The following GRM7 variants were observed in gnomAD, a reference collection of about 807,000 sequenced individuals.
GRM7 encodes metabotropic glutamate receptor 7.
A neutral mutation model predicts 84.5 loss-of-function variants in GRM7; 35 were observed. The ratio of observed to expected loss-of-function variants is 0.41; its 90% CI spans 0.32 to 0.55. GRM7 has a LOEUF of 0.55. Ranked by LOEUF, GRM7 falls within the 20% of genes least tolerant of loss-of-function variation. The probability of loss-of-function intolerance (pLI) is 0.19; values close to 1 mark genes in which losing one functional copy is unlikely to be tolerated. For synonymous variants in GRM7, 487 were observed against 455.1 expected, an observed-to-expected ratio of 1.07 and a Z score of -0.89; for missense variants, 1,003 against 1,194.6, an observed-to-expected ratio of 0.84 and a Z score of 2.36.
intron 4 of GRM7, among the ~76,000 whole-genome samples, chr3:7,393,164 G>C (rs1381843075): frequency 6.6e-6 from 1 of 152,146 alleles, no homozygotes; most frequent in Non-Finnish European, 1.5e-5. Flanking sequence ...AGGAACGCAT[G>C]GCCATGCCCC....
chr3:7,607,991 TTC>T (rs1302626277), intron 8 of GRM7: 3 of 297,344 alleles, frequency 1.0e-5, no homozygotes, highest in African/African-American at 6.7e-5. Flanking sequence ...ATATTCTGTT[TTC>T]TGTTTCAGCA....
chr3:7,377,064 A>G (rs763663572), intron 4 of GRM7, among the ~76,000 whole-genome samples: 25 of 152,230 alleles, frequency 1.6e-4, no homozygotes, highest in African/African-American at 5.8e-4. Context: ...GAAAAAAATC[A>G]ATTATTGAAA....
At chr3:7,117,634 A>G (rs1421347541) in intron 1 of GRM7, among the ~76,000 whole-genome samples, 6 of 152,134 alleles carry the variant, frequency 3.9e-5, no homozygotes, top group African/African-American at 1.4e-4. Context: ...TCAGTTATTC[A>G]GTTATCTCAG....
chr3:7,149,481 G>A (rs1694211906), intron 2 of GRM7, among the ~76,000 whole-genome samples: 1 of 152,088 alleles, frequency 6.6e-6, no homozygotes, highest in South Asian at 2.1e-4. Flanking sequence ...GAATTTCTGG[G>A]CATATACATG....
At chr3:7,460,306 C>A (rs1224594545) in intron 6 of GRM7, among the ~76,000 whole-genome samples, 6 of 152,050 alleles carry the variant, frequency 3.9e-5, no homozygotes, top group African/African-American at 1.4e-4. Context: ...GCTTTCAGCT[C>A]CCCAGACAAA....
chr3:7,185,897 C>T (rs1449451166), intron 2 of GRM7, among the ~76,000 whole-genome samples: 1 of 152,324 alleles, frequency 6.6e-6, no homozygotes, highest in South Asian at 2.1e-4. Flanking sequence ...CATCCATATA[C>T]TTTACCCAGA....
At chr3:7,051,519 A>G (rs1042934078) in intron 1 of GRM7, among the ~76,000 whole-genome samples, 30 of 151,804 alleles carry the variant, frequency 2.0e-4, no homozygotes, top group African/African-American at 7.0e-4. Context: ...GCTGTGGAAC[A>G]TATGCTATCA....
rs757358311 is a variant in GRM7 at position 7,298,849 on chromosome 3, T to G, written c.878+24T>G. On this transcript the variant is annotated intron_variant, in intron 3 of 9. Coordinates refer to ENST00000357716, the MANE Select transcript of GRM7 (RefSeq NM_000844.4). Reference sequence around the variant, plus strand: ...AAGTAAGAATAACTGGTGACAATTGTTAATATGCATGTTGCAATTTTAGGA... The same window carrying G: ...AAGTAAGAATAACTGGTGACAATTGGTAATATGCATGTTGCAATTTTAGGA... The G allele has an allele frequency of 1.9e-5, 30 of 1,599,216 alleles. No individual in the cohort carries two copies. The South Asian group carries it at 3.0e-4, about 16-fold the overall frequency.
At chr3:7,453,249 A>C (rs1415762704) in intron 6 of GRM7, among the ~76,000 whole-genome samples, 28 of 152,074 alleles carry the variant, frequency 1.8e-4, no homozygotes, top group Non-Finnish European at 5.9e-5. Flanking sequence ...CCAAGCTAGC[A>C]ATAAATTCTG....
chr3:6,953,700 G>A (rs1208621901), intron 1 of GRM7, among the ~76,000 whole-genome samples: 1 of 152,204 alleles, frequency 6.6e-6, no homozygotes, highest in Non-Finnish European at 1.5e-5. Flanking sequence ...CTCAGGGACT[G>A]TGGAGTCCAT....
intron 9 of GRM7, among the ~76,000 whole-genome samples, chr3:7,713,938 C>T (rs1701686166): frequency 6.6e-6 from 1 of 151,530 alleles, no homozygotes; most frequent in African/African-American, 2.4e-5. Flanking sequence ...TTCCTAAGAG[C>T]CATCCGCAGA....
intron 1 of GRM7, among the ~76,000 whole-genome samples, chr3:6,958,429 T>C (rs1693156681): frequency 6.6e-6 from 1 of 152,234 alleles, no homozygotes; most frequent in Non-Finnish European, 1.5e-5. Flanking sequence ...GTTCACCTGC[T>C]GATGGACATT....
chr3:7,690,717 C>G (rs1443751322), intron 9 of GRM7, among the ~76,000 whole-genome samples: 1 of 152,216 alleles, frequency 6.6e-6, no homozygotes, highest in Non-Finnish European at 1.5e-5. Flanking sequence ...AAAGATTCCA[C>G]TGGACATGGA....
chr3:7,551,708 T>C (rs980633778), intron 7 of GRM7, among the ~76,000 whole-genome samples: 73 of 152,168 alleles, frequency 4.8e-4, no homozygotes, highest in Middle Eastern at 6.8e-3. Context: ...ATTTTTCTTA[T>C]TTTTTCCTGG....
chr3:7,160,642 T>G (rs1172784856), intron 2 of GRM7, among the ~76,000 whole-genome samples: 1 of 152,140 alleles, frequency 6.6e-6, no homozygotes, highest in East Asian at 1.9e-4. Context: ...GGAGTTAGAT[T>G]TTGTCACTAG....
At chr3:6,936,359 G>T (rs1016863340) in intron 1 of GRM7, among the ~76,000 whole-genome samples, 4 of 152,160 alleles carry the variant, frequency 2.6e-5, no homozygotes, top group African/African-American at 9.7e-5. Context: ...AAGTTCCAAA[G>T]AGCCTATTTC....
rs1045753522 is a variant in GRM7 at position 7,156,512 on chromosome 3, G to A, written c.736+9844G>A. Among the ~76,000 whole-genome samples, 34 of 152,192 alleles carry A rather than the reference G, an allele frequency of 2.2e-4. 3 individuals are homozygous for A. The highest frequency in any genetic ancestry group is 1.3e-3 in the Admixed American group (20 of 15,272). The stretch of plus-strand genomic sequence containing the variant: ...TATTGAGCTGATTCTCACTTTGACC[G>A]GCTTTTGACTGATAATTATTATTTG... On this transcript the variant is annotated intron_variant, in intron 2 of 9. Transcript: ENST00000357716.
chr3:7,591,107 CTG>C (rs1559424626), intron 8 of GRM7, among the ~76,000 whole-genome samples: 1 of 152,132 alleles, frequency 6.6e-6, no homozygotes. Flanking sequence ...ACACTAATGT[CTG>C]TGAAAATAAG....
At chr3:7,739,302 C>T (rs1346525984) in intron 9 of GRM7, among the ~76,000 whole-genome samples, 8 of 152,154 alleles carry the variant, frequency 5.3e-5, no homozygotes, top group Admixed American at 6.5e-5. Flanking sequence ...GTTAATATGA[C>T]TTCTCCGTTC....
Sources: gnomAD v4.1 joint callset for allele counts (sites outside exome capture counted in the v4.1 genomes callset) on GRCh38, gnomAD v4.1.1 for gene constraint, MANE v1.5 for transcripts, NCBI Gene and HGNC (gene_info 2026-07-23, HGNC 2026-07-21) for gene names.